SNX18: variants seen among roughly 807,000 people sequenced by gnomAD.
The protein encoded by SNX18 is sorting nexin-18.
A neutral mutation model predicts 48.7 loss-of-function variants in SNX18; 35 were observed. The ratio of observed to expected loss-of-function variants is 0.72; its 90% CI spans 0.55 to 0.95. The LOEUF (loss-of-function observed/expected upper bound fraction) is 0.95, where lower values mean the gene tolerates loss of function less well. Among genes scored for constraint, SNX18 ranks in the 40% least tolerant of loss-of-function variants. The pLI is 0.00. For missense variants in SNX18, 824 were observed against 871.0 expected, an observed-to-expected ratio of 0.95 and a Z score of 0.68; for synonymous variants, 492 against 384.7, an observed-to-expected ratio of 1.28 and a Z score of -3.26.
At chr5:54,617,866 A>G in the SNX18 span, among the ~76,000 whole-genome samples, 1 of 152,082 alleles carries the variant, frequency 6.6e-6, no homozygotes, top group African/African-American at 2.4e-5. Flanking sequence ...CTCATTCTCC[A>G]TTGACTAATC....
chr5:54,627,853 G>C, the SNX18 span, among the ~76,000 whole-genome samples: 1 of 152,172 alleles, frequency 6.6e-6, no homozygotes, highest in South Asian at 2.1e-4. Context: ...GCCCTGTAAG[G>C]ATGAGAACCC....
At chr5:54,567,109 T>C in the SNX18 span, among the ~76,000 whole-genome samples, 1 of 152,176 alleles carries the variant, frequency 6.6e-6, no homozygotes. Context: ...AAATTTGTGT[T>C]ATTACAATCA....
rs1762532181 is a variant in SNX18, at chr5:54,544,334, G to A, written c.*902G>A. The A allele has an allele frequency of 6.6e-6, 1 of 151,942 alleles. No individual in the cohort carries two copies. The highest frequency in any genetic ancestry group is 1.5e-5 in the Non-Finnish European group (1 of 67,980). The allele number at this position is 151,942 out of a possible 1,614,324, so 9.4% of individuals were successfully genotyped here. ...TCGAATCATTGACAACACACACTTG[G>A]CTTTAGTTCTTAGGAGGGTTTTGTT... On this transcript the variant is annotated 3_prime_UTR_variant, in exon 2 of 2. Transcript: ENST00000381410.
chr5:54,610,108 T>C, the SNX18 span, among the ~76,000 whole-genome samples: 12 of 152,292 alleles, frequency 7.9e-5, no homozygotes, highest in African/African-American at 2.9e-4. Context: ...CCATGCTTCC[T>C]GTATAACCTG....
At chr5:54,554,478 G>A in the SNX18 span, among the ~76,000 whole-genome samples, 1 of 152,186 alleles carries the variant, frequency 6.6e-6, no homozygotes, top group South Asian at 2.1e-4. Context: ...CAACTCAAAG[G>A]TTCATCTCTA....
At chr5:54,646,419 A>G in the SNX18 span, among the ~76,000 whole-genome samples, 1 of 152,212 alleles carries the variant, frequency 6.6e-6, no homozygotes, top group Non-Finnish European at 1.5e-5. Context: ...GTGGTCTGTC[A>G]ACTTCTCTAG....
the SNX18 span, among the ~76,000 whole-genome samples, chr5:54,608,661 A>C: frequency 6.6e-6 from 1 of 152,240 alleles, no homozygotes; most frequent in Non-Finnish European, 1.5e-5. Flanking sequence ...CAGTTGAAGA[A>C]GGAAGGATGA....
the SNX18 span, among the ~76,000 whole-genome samples, chr5:54,609,578 A>G: frequency 2.0e-5 from 3 of 152,068 alleles, no homozygotes; most frequent in African/African-American, 7.2e-5. Flanking sequence ...TCAGCCCCCT[A>G]AAGCTTAATT....
chr5:54,574,389 G>T, the SNX18 span, among the ~76,000 whole-genome samples: 1 of 152,138 alleles, frequency 6.6e-6, no homozygotes, highest in Non-Finnish European at 1.5e-5. Context: ...TAATCACAGT[G>T]CCTATATTCA....
At chr5:54,588,306 CTTTTTTTTTTTTTTT>C in the SNX18 span, among the ~76,000 whole-genome samples, 71 of 73,918 alleles carry the variant, frequency 9.6e-4, no homozygotes, top group African/African-American at 3.2e-3. Flanking sequence ...TATTTCTATT[CTTTTTTTTTTTTTTT>C]TTTTTTTTTT....
Position 54,545,125 on chromosome 5 carries a change from T to A in SNX18, c.*1693T>A, listed in dbSNP as rs1247102896. On this transcript the variant is annotated 3_prime_UTR_variant, in exon 2 of 2. Coordinates refer to ENST00000381410, the MANE Select transcript of SNX18 (RefSeq NM_001102575.2). Reference sequence around the variant, plus strand: ...TGATATTTGGTCAAAATTTTGTACCTTAGGTTACTTAGAGCCAGATTTAAC... The same window carrying A: ...TGATATTTGGTCAAAATTTTGTACCATAGGTTACTTAGAGCCAGATTTAAC... 6.6e-6 allele frequency: 1 copy of A among 152,196 alleles called. No homozygotes were observed. Among genetic ancestry groups the A allele is most frequent in the African/African-American group, 2.4e-5 (1 of 41,448 alleles). 9.4% of individuals were successfully genotyped at this position (152,196 alleles called of 1,614,324 possible).
chr5:54,588,051 G>A, the SNX18 span, among the ~76,000 whole-genome samples: 2 of 152,060 alleles, frequency 1.3e-5, no homozygotes, highest in South Asian at 4.1e-4. Flanking sequence ...ATCTTCTAGG[G>A]AATCCAAGCA....
Position 54,543,223 on chromosome 5 carries a change from G to A in SNX18, c.1666G>A (p.Gly556Arg), listed in dbSNP as rs754170793. The A allele has an allele frequency of 3.1e-6, 5 of 1,614,008 alleles. No individual in the cohort carries two copies. The South Asian group carries it at 3.3e-5, about 11-fold the overall frequency. ...VKESRRHVEEGKMEVQKADGI... is the reference protein window; with the variant it reads ...VKESRRHVEERKMEVQKADGI... ...GGAGAGTAGGCGACACGTGGAGGAA[G>A]GGAAGATGGAGGTGCAGAAGGCTGA... Residue 556 changes from glycine to arginine, a missense_variant, in exon 2 of 2, where the codon GGG becomes AGG. Transcript: ENST00000381410.
At chr5:54,585,034 G>A in the SNX18 span, among the ~76,000 whole-genome samples, 1 of 152,204 alleles carries the variant, frequency 6.6e-6, no homozygotes, top group South Asian at 2.1e-4. Flanking sequence ...GCTCACGCCT[G>A]TAATCCCAGC....
chr5:54,576,798 T>TTTGTTTGTTTGTTTGC, the SNX18 span, among the ~76,000 whole-genome samples: 1 of 148,378 alleles, frequency 6.7e-6, no homozygotes, highest in East Asian at 2.0e-4. Flanking sequence ...TGTTTGTTTG[T>TTTGTTTGTTTGTTTGC]TTGCTTGCTT....
At chr5:54,519,764 G>A (rs1039923398) in intron 1 of SNX18, 191 bp downstream of exon 1, 1 of 1,614,168 alleles carries the variant, frequency 6.2e-7, no homozygotes, top group Admixed American at 1.7e-5. Flanking sequence ...TCCTCCTCGA[G>A]TATCTTGCAT....
the SNX18 span, among the ~76,000 whole-genome samples, chr5:54,592,738 G>A: frequency 6.6e-6 from 1 of 152,192 alleles, no homozygotes; most frequent in Non-Finnish European, 1.5e-5. Context: ...AATGTAAGAT[G>A]ATAATGACGT....
the SNX18 span, among the ~76,000 whole-genome samples, chr5:54,555,367 G>A: frequency 6.6e-6 from 1 of 151,390 alleles, no homozygotes; most frequent in Non-Finnish European, 1.5e-5. Context: ...CATAGTACCC[G>A]GCATACCTTT....
the SNX18 span, among the ~76,000 whole-genome samples, chr5:54,612,829 T>A: frequency 6.6e-6 from 1 of 152,098 alleles, no homozygotes; most frequent in Non-Finnish European, 1.5e-5. Flanking sequence ...ATCTGTCATG[T>A]TTCTCAGTCA....
Sources: gnomAD v4.1 joint callset for allele counts (sites outside exome capture counted in the v4.1 genomes callset) on GRCh38, gnomAD v4.1.1 for gene constraint, MANE v1.5 for transcripts, NCBI Gene and HGNC (gene_info 2026-07-23, HGNC 2026-07-21) for gene names.